Variants in ZYG11A observed in about 807,000 individuals in gnomAD.
The protein encoded by ZYG11A is protein zyg-11 homolog A.
Under a neutral mutation model 77.2 loss-of-function variants are expected in ZYG11A, and 62 were observed. That is an observed-to-expected ratio of 0.80 (90% confidence interval 0.65 to 0.99). ZYG11A has a LOEUF of 0.99. Among genes scored for constraint, ZYG11A ranks in the 50% least tolerant of loss-of-function variants. The pLI, the probability that ZYG11A is intolerant of heterozygous loss-of-function variation, is 0.00. For synonymous variants in ZYG11A, 315 were observed against 324.6 expected (o/e 0.97, Z 0.32); for missense variants, 828 against 896.8 (o/e 0.92, Z 0.98).
intron 3 of ZYG11A, among the ~76,000 whole-genome samples, chr1:52,858,401 G>A (rs1454484947): frequency 1.3e-5 from 2 of 150,902 alleles, no homozygotes; most frequent in African/African-American, 2.4e-5. Context: ...GATATAGTGG[G>A]TTCAAGTGAT....
At chr1:52,891,029 G>C (rs962558740) in intron 13 of ZYG11A, among the ~76,000 whole-genome samples, 3 of 151,806 alleles carry the variant, frequency 2.0e-5, no homozygotes, top group Non-Finnish European at 4.4e-5. Context: ...CTCCTGAGTA[G>C]CTGGGATTAC....
rs547107552 is a variant in ZYG11A, at chr1:52,846,997, G to A, written c.90+4024G>A. Among the ~76,000 whole-genome samples the A allele has an allele frequency of 1.9e-3, 293 of 151,600 alleles. 1 individual carries two copies. The highest frequency in any genetic ancestry group is 6.8e-3 in the Middle Eastern group (2 of 294). ...CCAGCAGCTGGGACTACGGGTACAC[G>A]CCGCCACGCCTGGCTAATTTTTGTA... On this transcript the variant is annotated intron_variant, in intron 1 of 13. Transcript: ENST00000371528.
chr1:52,857,170 C>T lies in ZYG11A; in HGVS notation c.429C>T (p.Asp143=). ...TGCACGCTGACCTCCCAGTTCCAGA[C>T]ATCATAAGTGGACTCTGCAGCAATA... ...TAVHADLPVP[D]IISGLCSNRW... is the part of the protein sequence containing the mutation. The change falls in exon 3 of 14, where the codon GAC becomes GAT. Residue 143 remains aspartate (D), a synonymous_variant. Coordinates refer to ENST00000371528, the MANE Select transcript of ZYG11A (RefSeq NM_001004339.3). 6.4e-7 allele frequency: 1 copy of T among 1,552,080 alleles called. No individual in the cohort carries two copies. Among genetic ancestry groups the T allele is most frequent in the Non-Finnish European group, 8.7e-7 (1 of 1,147,086 alleles).
intron 1 of ZYG11A, among the ~76,000 whole-genome samples, chr1:52,849,145 C>T (rs112166613): frequency 0.014 from 2,194 of 152,124 alleles, 64 homozygotes; most frequent in African/African-American, 0.051. Context: ...CTCACTGTAA[C>T]CTCCGATTCC....
rs1172933717 is a variant in ZYG11A, at chr1:52,854,464, G to C, written c.91-1G>C. Reference sequence around the variant, plus strand: ...AGTTTGTTTGGGGTTTTGTTTGCTAGGAAGAGGCATCTCCCTACACTTTGG... The same window carrying C: ...AGTTTGTTTGGGGTTTTGTTTGCTACGAAGAGGCATCTCCCTACACTTTGG... On this transcript the variant is annotated splice_acceptor_variant, in intron 1 of 13. Coordinates refer to ENST00000371528, the MANE Select transcript of ZYG11A (RefSeq NM_001004339.3). LOFTEE classifies it high-confidence loss of function. 2.0e-6 allele frequency: 3 copies of C among 1,527,972 alleles called. No homozygotes were observed. Among genetic ancestry groups the C allele is most frequent in the Admixed American group, 2.1e-5 (1 of 48,772 alleles). The allele number at this position is 1,527,972 out of a possible 1,614,324, so 94.7% of individuals were successfully genotyped here. A position where few individuals can be genotyped will look rare whatever the true frequency, so the allele number is the denominator to read the frequency against.
At chr1:52,881,427 C>T (rs538081249) in intron 10 of ZYG11A, 44 bp from the exon 11 acceptor site, 1 of 1,396,160 alleles carries the variant, frequency 7.2e-7, no homozygotes, top group South Asian at 1.5e-5. Context: ...TGATTCTCCC[C>T]TCCCTTCTTG....
In ZYG11A at chr1:52,857,021, A is replaced by G; in HGVS notation, c.280A>G (p.Ser94Gly). The stretch of plus-strand genomic sequence containing the variant: ...AGGCAAGCTGACTGACAGAACAGCC[A>G]GCATTTTCCGAGGCAACCAAATGAA... ...WQGKLTDRTA[S>G]IFRGNQMKLK... Residue 94 changes from serine to glycine, a missense_variant, in exon 3 of 14, where the codon AGC (serine) becomes GGC (glycine). Ser to Gly is a moderately conservative substitution (Grantham distance 56, BLOSUM62 0). Transcript: ENST00000371528. The G allele has an allele frequency of 6.5e-7, 1 of 1,543,868 alleles. No individual in the cohort carries two copies. The highest frequency in any genetic ancestry group is 2.5e-5 in the East Asian group (1 of 40,706).
At chr1:52,865,867 G>A (rs546815949) in intron 5 of ZYG11A, among the ~76,000 whole-genome samples, 1 of 151,562 alleles carries the variant, frequency 6.6e-6, no homozygotes, top group East Asian at 1.9e-4. Context: ...TATCTTGATT[G>A]TAGGAGTGGT....
At chr1:52,866,640 T>C (rs1646032117) in intron 6 of ZYG11A, 73 bp downstream of exon 6, 1 of 869,682 alleles carries the variant, frequency 1.1e-6, no homozygotes, top group Admixed American at 2.3e-5. Context: ...TGATTAAGGC[T>C]GGGATAAGGT....
intron 5 of ZYG11A, among the ~76,000 whole-genome samples, chr1:52,865,831 ACT>A (rs1436524108): frequency 6.6e-6 from 1 of 151,838 alleles, no homozygotes; most frequent in African/African-American, 2.4e-5. Flanking sequence ...GGACAATGGA[ACT>A]CTCTGGGGGT....
In ZYG11A at chr1:52,854,510, C is replaced by T. The variant is rs1244288052; in HGVS notation, c.136C>T (p.Leu46=). 6.4e-7 allele frequency: 1 copy of T among 1,551,160 alleles called. No homozygotes were observed. The change falls in exon 2 of 14, where the codon CTG becomes TTG. Residue 46 remains leucine (L), a synonymous_variant. Transcript: ENST00000371528. The part of the protein sequence containing the change: ...YTLVNICLNV[L]IANLEKLCSE... ...TTTGGTCAACATCTGCCTGAATGTC[C>T]TGATTGCTAACCTGGAGAAATTGTG...
At chr1:52,881,449 C>A in intron 10 of ZYG11A, 22 bp from the exon 11 acceptor site, 1 of 1,510,246 alleles carries the variant, frequency 6.6e-7, no homozygotes, top group South Asian at 1.3e-5. Context: ...CTCTGGGGTT[C>A]TCTGCTCCAT....
intron 11 of ZYG11A, among the ~76,000 whole-genome samples, chr1:52,885,129 CAA>C (rs1004458109): frequency 6.6e-6 from 1 of 151,994 alleles, no homozygotes; most frequent in African/African-American, 2.4e-5. Flanking sequence ...AGGCTGGTCT[CAA>C]ACTCCTGACC....
chr1:52,886,678 G>A (rs957161349), intron 12 of ZYG11A, among the ~76,000 whole-genome samples: 8 of 146,040 alleles, frequency 5.5e-5, no homozygotes, highest in South Asian at 2.2e-4. Flanking sequence ...CCCTACAGGC[G>A]TGTGCCACCA....
chr1:52,869,792 A>C (rs1283269372), intron 8 of ZYG11A, among the ~76,000 whole-genome samples: 2 of 151,642 alleles, frequency 1.3e-5, no homozygotes, highest in East Asian at 3.9e-4. Flanking sequence ...GGCTGGGCAG[A>C]GGGGCTCCTC....
chr1:52,874,792 G>A (rs2150012761), intron 8 of ZYG11A, among the ~76,000 whole-genome samples: 1 of 152,238 alleles, frequency 6.6e-6, no homozygotes, highest in South Asian at 2.1e-4. Flanking sequence ...CCTTGAACCC[G>A]GGAGGTGGAT....
intron 2 of ZYG11A, among the ~76,000 whole-genome samples, chr1:52,856,055 T>C (rs1230152166): frequency 6.6e-6 from 1 of 152,248 alleles, no homozygotes; most frequent in Non-Finnish European, 1.5e-5. Flanking sequence ...TGTTTGTGGC[T>C]GTACTATTTT....
At chr1:52,879,366 C>T (rs1434027334) in intron 10 of ZYG11A, among the ~76,000 whole-genome samples, 1 of 151,990 alleles carries the variant, frequency 6.6e-6, no homozygotes, top group East Asian at 1.9e-4. Context: ...CCATTGGGAC[C>T]CTTGGTTCTA....
At chr1:52,862,478 C>G (rs1315787564) in intron 4 of ZYG11A, among the ~76,000 whole-genome samples, 2 of 151,292 alleles carry the variant, frequency 1.3e-5, no homozygotes, top group African/African-American at 4.8e-5. Context: ...CGCCCAGCTA[C>G]TTTTTTGTAT....
Sources: gnomAD v4.1 joint callset for allele counts (sites outside exome capture counted in the v4.1 genomes callset) on GRCh38, gnomAD v4.1.1 for gene constraint, MANE v1.5 for transcripts, NCBI Gene and HGNC (gene_info 2026-07-23, HGNC 2026-07-21) for gene names.